ADGRD1: variants seen among roughly 807,000 people sequenced by gnomAD.
ADGRD1 encodes adhesion G protein-coupled receptor D1.
A neutral mutation model predicts 113.4 loss-of-function variants in ADGRD1; 77 were observed. The ratio of observed to expected loss-of-function variants is 0.68; its 90% CI spans 0.57 to 0.82. ADGRD1 has a LOEUF of 0.82. Ranked by LOEUF, ADGRD1 falls within the 40% of genes least tolerant of loss-of-function variation. The pLI is 0.00. For synonymous variants in ADGRD1, 474 were observed against 475.0 expected, an observed-to-expected ratio of 1.00 and a Z score of 0.03; for missense variants, 1,036 against 1,139.1, an observed-to-expected ratio of 0.91 and a Z score of 1.30.
At chr12:131,106,184 C>A (rs1950233107) in intron 17 of ADGRD1, among the ~76,000 whole-genome samples, 1 of 152,184 alleles carries the variant, frequency 6.6e-6, no homozygotes, top group Non-Finnish European at 1.5e-5. Context: ...ATCCTCTCAG[C>A]CTACAGATAA....
intron 8 of ADGRD1, chr12:130,993,958 A>C (rs1170473464): frequency 6.1e-6 from 1 of 163,008 alleles, no homozygotes; most frequent in African/African-American, 2.4e-5. Flanking sequence ...CCTCCTCGTC[A>C]GGGGGAAATC....
chr12:131,083,143 G>T (rs553225986), intron 14 of ADGRD1, among the ~76,000 whole-genome samples: 1 of 152,338 alleles, frequency 6.6e-6, no homozygotes, highest in East Asian at 1.9e-4. Flanking sequence ...AGTTGAAAGT[G>T]AATTCAAAGC....
chr12:130,982,926 G>A (rs58344440), intron 5 of ADGRD1, among the ~76,000 whole-genome samples: 2,601 of 152,226 alleles, frequency 0.017, 78 homozygotes, highest in African/African-American at 0.06. Flanking sequence ...GGTGGAGGGG[G>A]CAGCACAAAA....
intron 2 of ADGRD1, among the ~76,000 whole-genome samples, chr12:130,955,892 G>A (rs1869517796): frequency 6.6e-6 from 1 of 152,184 alleles, no homozygotes; most frequent in African/African-American, 2.4e-5. Flanking sequence ...GGGTTCAAGC[G>A]ATTCTTGTGC....
chr12:131,048,583 G>C (rs1369936993), intron 13 of ADGRD1, among the ~76,000 whole-genome samples: 1 of 152,208 alleles, frequency 6.6e-6, no homozygotes, highest in Admixed American at 6.5e-5. Context: ...TTTGCGGGGC[G>C]GACGGCCCAG....
At chr12:131,105,260 G>A (rs536939728) in intron 16 of ADGRD1, among the ~76,000 whole-genome samples, 32 of 152,384 alleles carry the variant, frequency 2.1e-4, no homozygotes, top group African/African-American at 7.5e-4. Context: ...TTGGATGGGG[G>A]CTGGACAATA....
At position 131,127,710 on chromosome 12, in the gene ADGRD1, T is replaced by C. The variant is rs543847615; in HGVS notation, c.2176-4015T>C. 2.9e-3 allele frequency among the ~76,000 whole-genome samples: 395 copies of C among 137,846 alleles called. 6 individuals carry two copies. Among genetic ancestry groups the C allele is most frequent in the African/African-American group, 9.9e-3 (364 of 36,640 alleles). 90.4% of individuals were successfully genotyped at this position (137,846 alleles called of 152,430 possible). ...TTGATTGTGTTGGTTGTGATGGGAC[T>C]CTGAGCTCAGGTGGGGTGTTGGTTG... On this transcript the variant is annotated intron_variant, in intron 20 of 24. Transcript: ENST00000261654.
chr12:131,071,119 T>C (rs11610601), intron 13 of ADGRD1, among the ~76,000 whole-genome samples: 4 of 88,982 alleles, frequency 4.5e-5, no homozygotes, highest in South Asian at 4.1e-4. Context: ...TGGGGCTAAG[T>C]GAAAGGAGGT....
chr12:131,085,243 G>A (rs889109254), intron 15 of ADGRD1, among the ~76,000 whole-genome samples: 1 of 152,200 alleles, frequency 6.6e-6, no homozygotes, highest in African/African-American at 2.4e-5. Context: ...TTCACGGAGC[G>A]GTGAGGAGAG....
At chr12:131,118,549 C>A in intron 19 of ADGRD1, 98 bp downstream of exon 19, 1 of 864,860 alleles carries the variant, frequency 1.2e-6, no homozygotes, top group Non-Finnish European at 1.8e-6. Context: ...CTTCTGGGTG[C>A]AGGGGTGCTG....
At chr12:131,098,636 G>A (rs1949999289) in intron 15 of ADGRD1, among the ~76,000 whole-genome samples, 2 of 152,278 alleles carry the variant, frequency 1.3e-5, no homozygotes, top group East Asian at 1.9e-4. Context: ...GAAGGGCCTG[G>A]GTCAGGGCCT....
intron 14 of ADGRD1, among the ~76,000 whole-genome samples, chr12:131,077,216 G>A (rs1252451193): frequency 2.6e-5 from 4 of 151,200 alleles, no homozygotes; most frequent in Non-Finnish European, 5.9e-5. Flanking sequence ...TGTCCCCCTC[G>A]AGGGTCTTGG....
At chr12:131,014,388 A>G (rs1244316424) in intron 13 of ADGRD1, 48 bp downstream of exon 13, 14 of 1,557,592 alleles carry the variant, frequency 9.0e-6, no homozygotes, top group Non-Finnish European at 1.2e-5. Context: ...ATCTGGTTTC[A>G]CACTGAGGAA....
intron 21 of ADGRD1, among the ~76,000 whole-genome samples, chr12:131,135,514 C>T (rs1951052671): frequency 6.6e-6 from 1 of 152,170 alleles, no homozygotes; most frequent in South Asian, 2.1e-4. Flanking sequence ...GTCAGTGTCA[C>T]AGGAGGGCTC....
Position 130,954,717 on chromosome 12 carries a change from T to C in ADGRD1, c.103+57T>C. On this transcript the variant is annotated intron_variant, in intron 2 of 24. Coordinates refer to ENST00000261654, the MANE Select transcript of ADGRD1 (RefSeq NM_198827.5). The surrounding 1 kb of genome is among the most constrained non-coding windows in gnomAD (Gnocchi z 4.7). ...GCTCTCCCCCTGCCTAGTGCAGGTA[T>C]CTCAGGAACAGCCCACTTGTTCATC... The C allele has an allele frequency of 6.6e-7, 1 of 1,512,522 alleles. No homozygotes were observed. Among genetic ancestry groups the C allele is most frequent in the Non-Finnish European group, 9.2e-7 (1 of 1,088,940 alleles). The allele number at this position is 1,512,522 out of a possible 1,614,324, so 93.7% of individuals were successfully genotyped here.
chr12:131,015,817 C>T (rs574701356), intron 13 of ADGRD1, among the ~76,000 whole-genome samples: 3 of 152,326 alleles, frequency 2.0e-5, no homozygotes, highest in African/African-American at 4.8e-5. Flanking sequence ...GCAGCCTCCG[C>T]GTGTTCTGTC....
intron 15 of ADGRD1, among the ~76,000 whole-genome samples, chr12:131,088,458 G>A (rs1166762009): frequency 6.6e-6 from 1 of 152,252 alleles, no homozygotes; most frequent in Non-Finnish European, 1.5e-5. Flanking sequence ...GGAGCTGTTT[G>A]AAAGACGGAA....
rs1040725874 is a variant in ADGRD1, at chr12:131,062,797, C to T, written c.1474-14004C>T. ...TGAAAATGAACTAATACAAGGGTCA[C>T]GTGGTAAATATATTTAATATTAAAA... On this transcript the variant is annotated intron_variant, in intron 13 of 24. Coordinates refer to ENST00000261654, the MANE Select transcript of ADGRD1 (RefSeq NM_198827.5). Among the ~76,000 whole-genome samples the T allele has an allele frequency of 4.6e-5, 7 of 152,050 alleles. No individual in the cohort carries two copies. In the East Asian group the frequency reaches 1.2e-3, roughly 25 times the overall value.
chr12:131,131,683 A>C, intron 20 of ADGRD1, 42 bp from the exon 21 acceptor site: 1 of 1,393,110 alleles, frequency 7.2e-7, no homozygotes, highest in Non-Finnish European at 1.0e-6. Context: ...CTGCAGGTGC[A>C]GCCCAGGCCC....
Sources: gnomAD v4.1 joint callset for allele counts (sites outside exome capture counted in the v4.1 genomes callset) on GRCh38, gnomAD v4.1.1 for gene constraint, Gnocchi (gnomAD v3.1) non-coding constraint, MANE v1.5 for transcripts, NCBI Gene and HGNC (gene_info 2026-07-23, HGNC 2026-07-21) for gene names.